ATP2B1: variants seen among roughly 807,000 people sequenced by gnomAD.
The protein encoded by ATP2B1 is ATPase plasma membrane Ca2+ transporting 1, also known as plasma membrane calcium-transporting ATPase 1.
A neutral mutation model predicts 124.2 loss-of-function variants in ATP2B1; 14 were observed. That is an observed-to-expected ratio of 0.11 (90% CI 0.07 to 0.18). The LOEUF (loss-of-function observed/expected upper bound fraction) is 0.18, where lower values mean the gene tolerates loss of function less well. ATP2B1 is among the 10% of genes least tolerant of loss of function. The pLI is 1.00. For synonymous variants in ATP2B1, 449 were observed against 492.4 expected, an observed-to-expected ratio of 0.91 and a Z score of 1.17; for missense variants, 763 against 1,466.1, an observed-to-expected ratio of 0.52 and a Z score of 7.83.
At chr12:89,643,152 GTATATATGTATGTATGTATATA>G (rs1883881570) in intron 2 of ATP2B1, among the ~76,000 whole-genome samples, 1 of 148,454 alleles carries the variant, frequency 6.7e-6, no homozygotes. Context: ...ACGTGTATAT[GTATATATGTATGTATGTATATA>G]TGTATATGTA....
At position 89,624,262 on chromosome 12, in the gene ATP2B1, A is replaced by G. The variant is rs1565833344; in HGVS notation, c.1265T>C (p.Ile422Thr). 6.2e-7 allele frequency: 1 copy of G among 1,614,222 alleles called. No homozygotes were observed. The highest frequency in any genetic ancestry group is 8.5e-7 in the Non-Finnish European group (1 of 1,180,042). The change falls in exon 9 of 21, where the codon ATT becomes ACT. Residue 422 changes from isoleucine to threonine, a missense_variant. Ile to Thr is a moderately conservative substitution (Grantham distance 89, BLOSUM62 -1). Coordinates refer to ENST00000428670, the MANE Select transcript of ATP2B1 (RefSeq NM_001366521.1). ...YIQYFVKFFI[I>T]GVTVLVVAVP... ...TGCGACCACTAAAACTGTAACTCCA[A>G]TAATGAAGAACTTCACAAAGTATTG...
intron 8 of ATP2B1, 63 bp from the exon 9 acceptor site, chr12:89,624,460 G>A (rs1446816393): frequency 5.3e-6 from 7 of 1,329,900 alleles, no homozygotes; most frequent in African/African-American, 1.5e-5. Context: ...ACCCTTGCCA[G>A]ATATAAATTA....
intron 3 of ATP2B1, among the ~76,000 whole-genome samples, chr12:89,639,269 C>G (rs1327104427): frequency 6.6e-6 from 1 of 151,994 alleles, no homozygotes; most frequent in Non-Finnish European, 1.5e-5. Context: ...TTTGGGAGGC[C>G]GAGGCGGGCA....
chr12:89,635,074 G>C lies in ATP2B1; in HGVS notation c.584C>G (p.Thr195Ser). The C allele has an allele frequency of 2.5e-6, 4 of 1,613,958 alleles. No individual in the cohort carries two copies. Among genetic ancestry groups the C allele is most frequent in the South Asian group, 2.2e-5 (2 of 91,076 alleles). Reference protein sequence around the residue: ...QSRIEQEQKFTVIRGGQVIQI... With the variant: ...QSRIEQEQKFSVIRGGQVIQI... ...AATGACCTGACCACCCCTGATGACA[G>C]TGAACTTCTGTTCTTGTTCAATTCG... is the stretch of plus-strand genomic sequence containing the variant. The change falls in exon 4 of 21, where the codon ACT becomes AGT. Residue 195 changes from threonine (T) to serine (S), a missense_variant. Transcript: ENST00000428670.
At chr12:89,634,720 AC>A in intron 5 of ATP2B1, 57 bp downstream of exon 5, 1 of 1,459,808 alleles carries the variant, frequency 6.9e-7, no homozygotes, top group South Asian at 1.4e-5. Flanking sequence ...GTGTTTGCTG[AC>A]AATGGTACAT....
chr12:89,590,772 G>A lies in ATP2B1; in HGVS notation c.*212C>T, dbSNP rs1873405236. ...ACGCTGAGTTACTGTTTATCTGTCAGTTCATTTCTCCCACCCCCCAAAAAG... is the reference window on the plus strand; with the variant it reads ...ACGCTGAGTTACTGTTTATCTGTCAATTCATTTCTCCCACCCCCCAAAAAG... On this transcript the variant is annotated 3_prime_UTR_variant, in exon 21 of 21. Transcript: ENST00000428670. 6 of 516,320 alleles carry A rather than the reference G, an allele frequency of 1.2e-5. No individual in the cohort carries two copies. The East Asian group carries it at 2.1e-4, about 18-fold the overall frequency. 32.0% of individuals were successfully genotyped at this position (516,320 alleles called of 1,614,324 possible).
At chr12:89,683,609 G>T (rs1889620588) in intron 1 of ATP2B1, among the ~76,000 whole-genome samples, 1 of 152,124 alleles carries the variant, frequency 6.6e-6, no homozygotes, top group African/African-American at 2.4e-5. Flanking sequence ...CCAGCCCCCG[G>T]TCATTTGAGA....
At chr12:89,632,687 A>T (rs1329339081) in intron 5 of ATP2B1, among the ~76,000 whole-genome samples, 3 of 152,236 alleles carry the variant, frequency 2.0e-5, no homozygotes, top group Non-Finnish European at 4.4e-5. Flanking sequence ...CAGAGATGGC[A>T]TCATGAGAGT....
chr12:89,650,808 G>A (rs1885146239), intron 2 of ATP2B1, among the ~76,000 whole-genome samples: 1 of 152,016 alleles, frequency 6.6e-6, no homozygotes, highest in African/African-American at 2.4e-5. Context: ...ACCACAATGA[G>A]ATGAAAGATA....
chr12:89,662,587 T>A (rs1886841812), intron 1 of ATP2B1, among the ~76,000 whole-genome samples: 1 of 152,144 alleles, frequency 6.6e-6, no homozygotes, highest in African/African-American at 2.4e-5. Flanking sequence ...TACTGCTTGT[T>A]TAGAAAAGTA....
chr12:89,636,407 T>C (rs559167793), intron 3 of ATP2B1, among the ~76,000 whole-genome samples: 1 of 152,240 alleles, frequency 6.6e-6, no homozygotes, highest in South Asian at 2.1e-4. Context: ...GTAGTAAGGA[T>C]AAGTATTATT....
intron 12 of ATP2B1, among the ~76,000 whole-genome samples, chr12:89,612,726 C>T (rs1477926701): frequency 6.6e-6 from 1 of 152,196 alleles, no homozygotes; most frequent in South Asian, 2.1e-4. Flanking sequence ...GACAAAACTG[C>T]ACCTTCATCT....
Position 89,603,869 on chromosome 12 carries a change from G to C in ATP2B1, c.2691C>G (p.Leu897=), listed in dbSNP as rs772488196. 1.9e-6 allele frequency: 3 copies of C among 1,614,058 alleles called. No individual in the cohort carries two copies. Among genetic ancestry groups the C allele is most frequent in the South Asian group, 1.1e-5 (1 of 91,076 alleles). Residue 897 remains leucine, a synonymous_variant, in exon 17 of 21, where the codon CTC becomes CTG. Coordinates refer to ENST00000428670, the MANE Select transcript of ATP2B1 (RefSeq NM_001366521.1). This position sits in a 1 kb window ranked among gnomAD's most constrained non-coding sequence, Gnocchi z 4.3. ...GTTCCGTTGCCAGAGCCAGGGAAGC[G>C]AGTGTATCCATTATGAGGTTTACCC... ...MLWVNLIMDT[L]ASLALATEPP...
intron 20 of ATP2B1, among the ~76,000 whole-genome samples, chr12:89,592,042 C>T (rs183268445): frequency 6.6e-6 from 1 of 152,006 alleles, no homozygotes; most frequent in African/African-American, 2.4e-5. Context: ...AAAAATTTCC[C>T]AAGAAGACAC....
intron 1 of ATP2B1, among the ~76,000 whole-genome samples, chr12:89,686,093 A>G (rs375179559): frequency 2.6e-5 from 4 of 152,128 alleles, no homozygotes; most frequent in East Asian, 3.8e-4. Flanking sequence ...ATTTAATTTT[A>G]ATATACTTTT....
intron 8 of ATP2B1, among the ~76,000 whole-genome samples, chr12:89,625,778 T>C (rs939677234): frequency 7.2e-5 from 11 of 152,168 alleles, no homozygotes; most frequent in Non-Finnish European, 1.6e-4. Flanking sequence ...TATTTGCTAT[T>C]AGATAATAAG....
At chr12:89,618,581 A>C (rs1202842538) in intron 11 of ATP2B1, among the ~76,000 whole-genome samples, 1 of 152,224 alleles carries the variant, frequency 6.6e-6, no homozygotes, top group Non-Finnish European at 1.5e-5. Context: ...TGGCAAGAAG[A>C]AAGCTGTATA....
intron 20 of ATP2B1, chr12:89,598,607 G>A: frequency 6.2e-7 from 1 of 1,613,780 alleles, no homozygotes; most frequent in Non-Finnish European, 8.5e-7. Context: ...AGTAGTAGAA[G>A]CAGTAGAAGA....
In ATP2B1 at chr12:89,620,178, C is replaced by A; in HGVS notation, c.1650G>T (p.Leu550Phe). The part of the protein sequence containing the change: ...HVGNKTECAL[L>F]GLLLDLKRDY... ...CCCGTTTTAAATCCAAAAGAAGTCC[C>A]AACAAGGCACATTCAGTTTTATTAC... The change falls in exon 11 of 21, where the codon TTG (leucine) becomes TTT (phenylalanine). Residue 550 changes from leucine (L) to phenylalanine (F), a missense_variant. Around this residue, in one of 7 missense-constraint regions of ATP2B1, gnomAD observed 392 missense variants for 776.6 expected, o/e 0.50. Transcript: ENST00000428670. 1 of 1,614,046 alleles carries A rather than the reference C, an allele frequency of 6.2e-7. No homozygotes were observed. The highest frequency in any genetic ancestry group is 8.5e-7 in the Non-Finnish European group (1 of 1,179,988).
Sources: gnomAD v4.1 joint callset for allele counts (sites outside exome capture counted in the v4.1 genomes callset) on GRCh38, gnomAD v4.1.1 for gene constraint, gnomAD v4.1.1 regional missense constraint, Gnocchi (gnomAD v3.1) non-coding constraint, MANE v1.5 for transcripts, NCBI Gene and HGNC (gene_info 2026-07-23, HGNC 2026-07-21) for gene names.